Variants in CATSPERB observed in about 807,000 individuals in gnomAD.
CATSPERB encodes the protein catsper channel auxiliary subunit beta, also known as cation channel sperm-associated auxiliary subunit beta.
A neutral mutation model predicts 128.3 loss-of-function variants in CATSPERB; 93 were observed. The observed-to-expected ratio is 0.72, with a 90% CI of 0.61 to 0.86. The LOEUF (loss-of-function observed/expected upper bound fraction) is 0.86. Ranked by LOEUF, CATSPERB falls within the 40% of genes least tolerant of loss-of-function variation. CATSPERB has a pLI of 0.00. For synonymous variants in CATSPERB, 381 were observed against 448.8 expected, an observed-to-expected ratio of 0.85 and a Z score of 1.91; for missense variants, 1,153 against 1,329.5, an observed-to-expected ratio of 0.87 and a Z score of 2.06.
chr14:91,590,212 G>A (rs1451140939), intron 23 of CATSPERB, among the ~76,000 whole-genome samples: 2 of 152,130 alleles, frequency 1.3e-5, no homozygotes, highest in Admixed American at 6.6e-5. Flanking sequence ...CAGCAAGGGG[G>A]TATATAAAAA....
At chr14:91,663,605 A>AGG (rs1334180638) in intron 14 of CATSPERB, among the ~76,000 whole-genome samples, 143 of 139,644 alleles carry the variant, frequency 1.0e-3, no homozygotes, top group African/African-American at 3.7e-3. Context: ...AGATCGCACC[A>AGG]CTGCACTCCA....
chr14:91,664,550 A>G (rs1383579330), intron 14 of CATSPERB, among the ~76,000 whole-genome samples: 1 of 151,986 alleles, frequency 6.6e-6, no homozygotes, highest in Non-Finnish European at 1.5e-5. Context: ...ACAGTCTTCC[A>G]TGTCTTTTAC....
intron 15 of CATSPERB, among the ~76,000 whole-genome samples, chr14:91,659,074 G>C (rs1459283388): frequency 6.6e-6 from 1 of 152,112 alleles, no homozygotes; most frequent in Admixed American, 6.5e-5. Flanking sequence ...ATTACAGCCA[G>C]ATAGGAAGAA....
chr14:91,639,001 G>A, intron 16 of CATSPERB, 95 bp downstream of exon 16: 1 of 1,148,454 alleles, frequency 8.7e-7, no homozygotes, highest in Non-Finnish European at 1.2e-6. Flanking sequence ...TTTGTCCCAA[G>A]GAAAATACTT....
intron 21 of CATSPERB, among the ~76,000 whole-genome samples, chr14:91,610,163 C>T (rs908263733): frequency 1.3e-5 from 2 of 151,986 alleles, no homozygotes; most frequent in African/African-American, 4.8e-5. Context: ...TGTTCAAAGG[C>T]TAATTGTATC....
chr14:91,666,426 C>T (rs193069379), intron 14 of CATSPERB, among the ~76,000 whole-genome samples: 1 of 152,298 alleles, frequency 6.6e-6, no homozygotes, highest in African/African-American at 2.4e-5. Flanking sequence ...AAACAGCCTT[C>T]AAAACCTTAA....
At chr14:91,661,314 C>T (rs1655557578) in intron 14 of CATSPERB, among the ~76,000 whole-genome samples, 1 of 152,072 alleles carries the variant, frequency 6.6e-6, no homozygotes, top group Admixed American at 6.6e-5. Flanking sequence ...TTCTTCTACA[C>T]TGTCCTATAG....
In CATSPERB at chr14:91,669,840, G is replaced by A; in HGVS notation, c.1261C>T (p.His421Tyr). 1.2e-6 allele frequency: 2 copies of A among 1,612,858 alleles called. No homozygotes were observed. The highest frequency in any genetic ancestry group is 1.7e-6 in the Non-Finnish European group (2 of 1,179,672). The change falls in exon 14 of 27, where the codon CAC becomes TAC. Residue 421 changes from histidine (H) to tyrosine (Y), a missense_variant. Transcript: ENST00000256343. Reference protein sequence around the residue: ...PVGMVFHPRSHFLYAYGNQIW... With the variant: ...PVGMVFHPRSYFLYAYGNQIW... ...TGATTGCCATAAGCATACAAAAAGT[G>A]GCTTCGGGGATGAAATACCATTCCA...
chr14:91,587,506 A>G (rs1455666557), intron 25 of CATSPERB, among the ~76,000 whole-genome samples: 3 of 74,392 alleles, frequency 4.0e-5, no homozygotes, highest in African/African-American at 1.7e-4. Flanking sequence ...TTTTTTTTTT[A>G]GAATGAGGAG....
chr14:91,659,814 A>G, intron 15 of CATSPERB, 23 bp downstream of exon 15: 2 of 1,599,276 alleles, frequency 1.3e-6, no homozygotes, highest in African/African-American at 2.7e-5. Flanking sequence ...TAATGCTTAC[A>G]CCAGTGAAAG....
chr14:91,605,127 T>C, intron 22 of CATSPERB: 1 of 1,270,370 alleles, frequency 7.9e-7, no homozygotes, highest in Non-Finnish European at 1.2e-6. Flanking sequence ...GAATCAGGGC[T>C]GTCCTAAATA....
At chr14:91,630,463 T>C (rs543914723) in intron 17 of CATSPERB, among the ~76,000 whole-genome samples, 3 of 152,332 alleles carry the variant, frequency 2.0e-5, no homozygotes, top group African/African-American at 7.2e-5. Flanking sequence ...CTAGCACACA[T>C]TTCAAACTGA....
chr14:91,713,489 C>A (rs1021694810), intron 5 of CATSPERB, among the ~76,000 whole-genome samples: 2 of 152,054 alleles, frequency 1.3e-5, no homozygotes, highest in African/African-American at 4.8e-5. Context: ...AAATAGGGAA[C>A]ACCACTACAG....
chr14:91,588,483 A>G (rs909200743), intron 24 of CATSPERB, among the ~76,000 whole-genome samples: 1 of 152,080 alleles, frequency 6.6e-6, no homozygotes, highest in African/African-American at 2.4e-5. Flanking sequence ...GGACCTCCTT[A>G]GTGATAGGTA....
At chr14:91,594,713 T>C (rs1354961059) in intron 22 of CATSPERB, among the ~76,000 whole-genome samples, 1 of 151,650 alleles carries the variant, frequency 6.6e-6, no homozygotes, top group African/African-American at 2.4e-5. Context: ...TCATGTCTTG[T>C]GAAGAGAAAA....
chr14:91,601,355 AT>A (rs1893605080), intron 22 of CATSPERB, among the ~76,000 whole-genome samples: 1 of 152,206 alleles, frequency 6.6e-6, no homozygotes. Flanking sequence ...ATTACAATAT[AT>A]TTTGTGAGGA....
chr14:91,628,375 T>C (rs1038361852), intron 17 of CATSPERB, among the ~76,000 whole-genome samples: 3 of 152,192 alleles, frequency 2.0e-5, no homozygotes, highest in African/African-American at 7.2e-5. Context: ...CCTTAACAGA[T>C]ACCTCACCAA....
At chr14:91,700,821 G>C (rs1172253915) in intron 7 of CATSPERB, among the ~76,000 whole-genome samples, 1 of 152,034 alleles carries the variant, frequency 6.6e-6, no homozygotes, top group Non-Finnish European at 1.5e-5. Context: ...TACTAGCTGG[G>C]GGAGGGAAGG....
At chr14:91,621,110 AT>A (rs1417309524) in intron 19 of CATSPERB, among the ~76,000 whole-genome samples, 1 of 152,230 alleles carries the variant, frequency 6.6e-6, no homozygotes, top group East Asian at 1.9e-4. Context: ...AAAATAATGT[AT>A]AGAAATATGG....
Sources: allele counts gnomAD v4.1 joint callset (sites outside exome capture counted in the v4.1 genomes callset), GRCh38; gene constraint gnomAD v4.1.1; transcripts MANE v1.5; gene names NCBI Gene and HGNC (gene_info 2026-07-23, HGNC 2026-07-21).